NKD2: variants seen among roughly 807,000 people sequenced by gnomAD.
NKD2 encodes protein naked cuticle homolog 2.
In NKD2, 43 loss-of-function variants were observed where a neutral mutation model predicts 34.8. The observed-to-expected ratio is 1.24, with a 90% CI of 0.97 to 1.60. The LOEUF (loss-of-function observed/expected upper bound fraction) is 1.60, where lower values mean the gene tolerates loss of function less well. Among genes scored for constraint, NKD2 ranks in the 40% most tolerant of loss-of-function variants. The probability of loss-of-function intolerance (pLI) is 0.00; values close to 1 mark genes in which losing one functional copy is unlikely to be tolerated. For synonymous variants in NKD2, 278 were observed against 265.1 expected (o/e 1.05, Z -0.47); for missense variants, 675 against 627.1 (o/e 1.08, Z -0.82).
In NKD2 at chr5:1,009,545, C is replaced by G; in HGVS notation, c.126C>G (p.Arg42=). 1 of 1,491,438 alleles carries G rather than the reference C, an allele frequency of 6.7e-7. No homozygotes were observed. The highest frequency in any genetic ancestry group is 8.9e-7 in the Non-Finnish European group (1 of 1,129,574). The allele number at this position is 1,491,438 out of a possible 1,614,324, so 92.4% of individuals were successfully genotyped here. ...GRKGAEEAER[R]ARDKQELPNG... Reference sequence around the variant, plus strand: ...AAGGCGCGGAGGAAGCGGAGCGGCGCGCGCGGGACAAGCAGGTAGGCGGCG... The same window carrying G: ...AAGGCGCGGAGGAAGCGGAGCGGCGGGCGCGGGACAAGCAGGTAGGCGGCG... Residue 42 remains arginine, a synonymous_variant, in exon 3 of 10, where the codon CGC becomes CGG. Coordinates refer to ENST00000296849, the MANE Select transcript of NKD2 (RefSeq NM_033120.4). The surrounding 1 kb of genome is among the most constrained non-coding windows in gnomAD (Gnocchi z 6.9).
intron 8 of NKD2, 144 bp from the exon 9 acceptor site, chr5:1,036,113 T>A (rs910074560): frequency 1.1e-4 from 152 of 1,349,462 alleles, no homozygotes; most frequent in Non-Finnish European, 1.4e-4. Flanking sequence ...TGCCCAGGCG[T>A]CCACTCTCCT....
intron 9 of NKD2, chr5:1,037,447 G>A: frequency 7.6e-7 from 1 of 1,323,974 alleles, no homozygotes; most frequent in Non-Finnish European, 1.0e-6. Flanking sequence ...TTGTAATGAG[G>A]GTTTAGGGGA....
At chr5:1,011,054 C>T (rs150888854) in intron 3 of NKD2, among the ~76,000 whole-genome samples, 57 of 152,316 alleles carry the variant, frequency 3.7e-4, no homozygotes, top group South Asian at 2.5e-3. Flanking sequence ...AGACCTGCCA[C>T]TCTACACTGG....
Position 1,035,469 on chromosome 5 carries a change from G to A in NKD2, c.655G>A (p.Val219Ile), listed in dbSNP as rs774374068. 5.5e-5 allele frequency: 86 copies of A among 1,553,268 alleles called. 5 individuals are homozygous for A. The South Asian group carries it at 9.7e-4, about 18-fold the overall frequency. Reference protein sequence around the residue: ...RVADRRLSAHVRRPSTDPQPC... With the variant: ...RVADRRLSAHIRRPSTDPQPC... ...GGCTGACAGGAGGTTGTCTGCACACGTCAGGTGAGGGCTGGGGTGCCAGGG... is the reference window on the plus strand; with the variant it reads ...GGCTGACAGGAGGTTGTCTGCACACATCAGGTGAGGGCTGGGGTGCCAGGG... Residue 219 changes from valine to isoleucine, a missense_variant, in exon 8 of 10, where the codon GTC becomes ATC. Physicochemically the swap from Val to Ile is conservative, Grantham distance 29 (BLOSUM62 3). Transcript: ENST00000296849.
chr5:1,015,747 G>C (rs1427609635), intron 3 of NKD2, among the ~76,000 whole-genome samples: 1 of 152,194 alleles, frequency 6.6e-6, no homozygotes, highest in Non-Finnish European at 1.5e-5. Flanking sequence ...AGATCGGCCT[G>C]TCCATGTGTG....
rs1733717859 is a variant in NKD2, at chr5:1,034,386, GA to G, written c.426+57del. The stretch of plus-strand genomic sequence containing the variant: ...CAGTAGTAGACAGACGGGGCAGACA[GA>G]CTGTGCTGGCCTCGCGATACCTCAG... On this transcript the variant is annotated intron_variant, in intron 6 of 9. Transcript: ENST00000296849. 2.1e-6 allele frequency: 3 copies of G among 1,420,170 alleles called. No homozygotes were observed. In the African/African-American group the frequency reaches 4.2e-5, roughly 20 times the overall value. 88.0% of individuals were successfully genotyped at this position (1,420,170 alleles called of 1,614,324 possible). A position where few individuals can be genotyped will look rare whatever the true frequency, so the allele number is the denominator to read the frequency against.
At chr5:1,034,035 C>G (rs1733665836) in intron 5 of NKD2, 200 bp from the exon 6 acceptor site, 2 of 594,074 alleles carry the variant, frequency 3.4e-6, no homozygotes, top group Non-Finnish European at 6.0e-6. Context: ...GCTGGGTCCC[C>G]CCAAGAAGGG....
intron 9 of NKD2, among the ~76,000 whole-genome samples, chr5:1,037,068 C>CCAGGCAGTGTGGACAG (rs891861590): frequency 7.8e-6 from 1 of 127,544 alleles, no homozygotes; most frequent in Non-Finnish European, 1.7e-5. Flanking sequence ...TGGATGGCAG[C>CCAGGCAGTGTGGACAG]CAGGCAGTGT....
At chr5:1,036,990 T>TG (rs1734004574) in intron 9 of NKD2, 1 of 340,624 alleles carries the variant, frequency 2.9e-6, no homozygotes, top group Non-Finnish European at 5.5e-6. Context: ...GCAGTGTGGA[T>TG]GGCAGGCAGG....
chr5:1,020,655 C>T (rs188617899), intron 3 of NKD2, among the ~76,000 whole-genome samples: 47 of 150,992 alleles, frequency 3.1e-4, no homozygotes, highest in African/African-American at 1.0e-3. Context: ...TCTTGCTGAC[C>T]ACGTGTTGCT....
intron 3 of NKD2, among the ~76,000 whole-genome samples, chr5:1,026,403 G>A (rs1756401853): frequency 1.1e-5 from 1 of 91,838 alleles, no homozygotes; most frequent in Admixed American, 1.2e-4. Context: ...CCCACCCGCT[G>A]TGGGCGTCCC....
intron 3 of NKD2, among the ~76,000 whole-genome samples, chr5:1,028,336 G>A (rs1250191506): frequency 2.6e-5 from 4 of 152,174 alleles, no homozygotes; most frequent in Non-Finnish European, 5.9e-5. Context: ...TGTGACAGAC[G>A]CCTGCTGCTC....
chr5:1,020,160 A>T (rs541048549), intron 3 of NKD2, among the ~76,000 whole-genome samples: 4 of 152,316 alleles, frequency 2.6e-5, no homozygotes, highest in African/African-American at 9.6e-5. Flanking sequence ...ATGAGTTGTG[A>T]AATGGTTGTC....
At chr5:1,036,213 C>T in intron 8 of NKD2, 44 bp from the exon 9 acceptor site, 2 of 1,500,804 alleles carry the variant, frequency 1.3e-6, no homozygotes, top group Non-Finnish European at 1.8e-6. Context: ...GGGTGCGCCA[C>T]CCAGTCTGTG....
At chr5:1,017,497 C>T (rs977021301) in intron 3 of NKD2, among the ~76,000 whole-genome samples, 1 of 152,256 alleles carries the variant, frequency 6.6e-6, no homozygotes, top group Middle Eastern at 3.2e-3. Context: ...GGCTTCCAGC[C>T]GTGGGATTCC....
intron 3 of NKD2, among the ~76,000 whole-genome samples, chr5:1,031,000 C>G (rs1419271771): frequency 1.3e-5 from 2 of 152,128 alleles, no homozygotes; most frequent in African/African-American, 4.8e-5. Context: ...TCTCCCCACC[C>G]AAGTTCTGGG....
intron 3 of NKD2, among the ~76,000 whole-genome samples, chr5:1,021,985 C>CTTCCCTGTTTCCTGCTGGCCTCA (rs1756210198): frequency 6.6e-6 from 1 of 152,194 alleles, no homozygotes; most frequent in South Asian, 2.1e-4. Flanking sequence ...CCCTGGCCTC[C>CTTCCCTGTTTCCTGCTGGCCTCA]TTCCCTGTTT....
chr5:1,018,766 A>T (rs76670848), intron 3 of NKD2, among the ~76,000 whole-genome samples: 1 of 152,232 alleles, frequency 6.6e-6, no homozygotes, highest in African/African-American at 2.4e-5. Flanking sequence ...CATCTTGTGT[A>T]TGAGGGGAGC....
intron 8 of NKD2, 115 bp downstream of exon 8, chr5:1,035,588 T>C (rs1226744828): frequency 1.4e-5 from 11 of 764,990 alleles, no homozygotes; most frequent in Non-Finnish European, 2.2e-5. Flanking sequence ...AGGTCAGACC[T>C]GCAGGGGGCA....
Sources: gnomAD v4.1 joint callset for allele counts (sites outside exome capture counted in the v4.1 genomes callset) on GRCh38, gnomAD v4.1.1 for gene constraint, Gnocchi (gnomAD v3.1) non-coding constraint, MANE v1.5 for transcripts, NCBI Gene and HGNC (gene_info 2026-07-23, HGNC 2026-07-21) for gene names.